PCDHGB7: variants seen among roughly 807,000 people sequenced by gnomAD.
PCDHGB7 encodes protocadherin gamma-B7.
Under a neutral mutation model 61.4 loss-of-function variants are expected in PCDHGB7, and 37 were observed. The observed-to-expected ratio is 0.60, with a 90% CI of 0.46 to 0.79. The LOEUF (loss-of-function observed/expected upper bound fraction) is 0.79. PCDHGB7 is among the 30% of genes least tolerant of loss of function. The probability of loss-of-function intolerance (pLI) is 0.00; values close to 1 mark genes in which losing one functional copy is unlikely to be tolerated. For missense variants in PCDHGB7, 1,166 were observed against 1,202.5 expected, an observed-to-expected ratio of 0.97 and a Z score of 0.45; for synonymous variants, 464 against 503.5, an observed-to-expected ratio of 0.92 and a Z score of 1.05.
intron 1 of PCDHGB7, chr5:141,441,038 G>T (rs1263659082): frequency 1.3e-5 from 2 of 152,156 alleles, no homozygotes; most frequent in Non-Finnish European, 2.9e-5. Flanking sequence ...AAAACTTTAA[G>T]TACATTGGAC....
At chr5:141,434,337 C>T (rs939910421) in intron 1 of PCDHGB7, among the ~76,000 whole-genome samples, 13 of 152,230 alleles carry the variant, frequency 8.5e-5, no homozygotes, top group African/African-American at 2.4e-4. Context: ...CTCTTTGTGT[C>T]GGGAACAGGC....
At chr5:141,447,636 T>C (rs772671166) in intron 1 of PCDHGB7, among the ~76,000 whole-genome samples, 49 of 152,136 alleles carry the variant, frequency 3.2e-4, no homozygotes, top group Non-Finnish European at 5.3e-4. Context: ...ACAGTATGAA[T>C]GATGGTAGAA....
At chr5:141,502,191 A>G (rs2099813218) in intron 2 of PCDHGB7, among the ~76,000 whole-genome samples, 1 of 152,170 alleles carries the variant, frequency 6.6e-6, no homozygotes, top group Non-Finnish European at 1.5e-5. Flanking sequence ...TAATACAATA[A>G]TATAGAATCC....
intron 1 of PCDHGB7, among the ~76,000 whole-genome samples, chr5:141,445,544 T>C (rs1223868698): frequency 6.6e-6 from 1 of 152,126 alleles, no homozygotes; most frequent in Non-Finnish European, 1.5e-5. Context: ...CAAGGAGAAA[T>C]ACAAAAGCAC....
At position 141,432,881 on chromosome 5, in the gene PCDHGB7, G is replaced by A; in HGVS notation, c.2415+12607G>A. On this transcript the variant is annotated intron_variant, in intron 1 of 3. Coordinates refer to ENST00000398594, the MANE Select transcript of PCDHGB7 (RefSeq NM_018927.4). This position sits in a 1 kb window ranked among gnomAD's most constrained non-coding sequence, Gnocchi z 6.0. ...GGTCTCCTGCGTCTTCCTGGCCTTC[G>A]TCATCTTGCTGCTGGCGCTCAGGCT... 6.2e-7 allele frequency: 1 copy of A among 1,614,170 alleles called. No homozygotes were observed. The highest frequency in any genetic ancestry group is 1.1e-5 in the South Asian group (1 of 91,088).
At chr5:141,435,728 A>T (rs549219746) in intron 1 of PCDHGB7, among the ~76,000 whole-genome samples, 1 of 152,200 alleles carries the variant, frequency 6.6e-6, no homozygotes, top group Non-Finnish European at 1.5e-5. Flanking sequence ...GCTAAAGTGT[A>T]TTACTCTTTG....
Position 141,476,376 on chromosome 5 carries a change from T to C in PCDHGB7, c.2416-18431T>C. ...GTGAACCGGGAGACCGGAGAGATGT[T>C]TGTGAACGACCGTCTGGATCGAGAG... On this transcript the variant is annotated intron_variant, in intron 1 of 3. Coordinates refer to ENST00000398594, the MANE Select transcript of PCDHGB7 (RefSeq NM_018927.4). The surrounding 1 kb of genome is among the most constrained non-coding windows in gnomAD (Gnocchi z 7.6). The C allele has an allele frequency of 6.2e-7, 1 of 1,614,060 alleles. No homozygotes were observed. Among genetic ancestry groups the C allele is most frequent in the Non-Finnish European group, 8.5e-7 (1 of 1,180,004 alleles).
rs1329649336 is a variant in PCDHGB7, at chr5:141,477,589, GCTTT to G, written c.2416-17207_2416-17204del. 2 of 1,614,130 alleles carry G rather than the reference GCTTT, an allele frequency of 1.2e-6. No homozygotes were observed. Among genetic ancestry groups the G allele is most frequent in the South Asian group, 1.1e-5 (1 of 91,086 alleles). ...ACCCCGACGCCCCGCAGAATGCTCGGCTTTCTTTCTTTCTCTTGGAGCAAGGAGC... is the reference window on the plus strand; with the variant it reads ...ACCCCGACGCCCCGCAGAATGCTCGGCTTTCTTTCTCTTGGAGCAAGGAGC... On this transcript the variant is annotated intron_variant, in intron 1 of 3. Coordinates refer to ENST00000398594, the MANE Select transcript of PCDHGB7 (RefSeq NM_018927.4). The surrounding 1 kb of genome is among the most constrained non-coding windows in gnomAD (Gnocchi z 4.9).
At chr5:141,445,732 A>G (rs2098475548) in intron 1 of PCDHGB7, among the ~76,000 whole-genome samples, 1 of 152,230 alleles carries the variant, frequency 6.6e-6, no homozygotes, top group African/African-American at 2.4e-5. Context: ...ATGTGTAAAG[A>G]TCTTTTTAAA....
chr5:141,454,894 G>A (rs1371368633), intron 1 of PCDHGB7, among the ~76,000 whole-genome samples: 2 of 126,736 alleles, frequency 1.6e-5, no homozygotes, highest in Non-Finnish European at 3.1e-5. Context: ...TGCTAGCACC[G>A]CCTCCCGGGT....
chr5:141,486,091 G>A lies in PCDHGB7; in HGVS notation c.2416-8716G>A, dbSNP rs2099624256. On this transcript the variant is annotated intron_variant, in intron 1 of 3. Coordinates refer to ENST00000398594, the MANE Select transcript of PCDHGB7 (RefSeq NM_018927.4). This position sits in a 1 kb window ranked among gnomAD's most constrained non-coding sequence, Gnocchi z 5.0. ...CTACTGGAAAGCTTACTCTTTTGGGGCCCCTAGACTTTGAGAGTGAGAATT... is the reference window on the plus strand; with the variant it reads ...CTACTGGAAAGCTTACTCTTTTGGGACCCCTAGACTTTGAGAGTGAGAATT... 2 of 1,614,158 alleles carry A rather than the reference G, an allele frequency of 1.2e-6. No homozygotes were observed. Among genetic ancestry groups the A allele is most frequent in the Non-Finnish European group, 1.7e-6 (2 of 1,180,024 alleles).
intron 1 of PCDHGB7, chr5:141,478,282 G>A: frequency 6.2e-7 from 1 of 1,614,184 alleles, no homozygotes; most frequent in Non-Finnish European, 8.5e-7. Flanking sequence ...AGTGGAAGCA[G>A]TCTAGAGACC....
rs1173771781 is a variant in PCDHGB7 at position 141,486,312 on chromosome 5, G to A, written c.2416-8495G>A. Reference sequence around the variant, plus strand: ...ATCAGTGTGCAGGATCCAGACTCAGGGTCAAACGGAGATGTGAGCCTCCGC... The same window carrying A: ...ATCAGTGTGCAGGATCCAGACTCAGAGTCAAACGGAGATGTGAGCCTCCGC... On this transcript the variant is annotated intron_variant, in intron 1 of 3. Coordinates refer to ENST00000398594, the MANE Select transcript of PCDHGB7 (RefSeq NM_018927.4). The surrounding 1 kb of genome is among the most constrained non-coding windows in gnomAD (Gnocchi z 5.0). The A allele has an allele frequency of 1.2e-6, 2 of 1,613,864 alleles. No individual in the cohort carries two copies. Among genetic ancestry groups the A allele is most frequent in the African/African-American group, 1.3e-5 (1 of 74,842 alleles).
At chr5:141,460,067 G>T (rs1168161575) in intron 1 of PCDHGB7, among the ~76,000 whole-genome samples, 1 of 151,996 alleles carries the variant, frequency 6.6e-6, no homozygotes, top group Non-Finnish European at 1.5e-5. Flanking sequence ...AACAGAGTGA[G>T]ACTTCATCTA....
Position 141,458,657 on chromosome 5 carries a change from C to T in PCDHGB7, c.2416-36150C>T, listed in dbSNP as rs1214452360. On this transcript the variant is annotated intron_variant, in intron 1 of 3. Coordinates refer to ENST00000398594, the MANE Select transcript of PCDHGB7 (RefSeq NM_018927.4). ...CAATCCCAGCTCACTGCAACCTCCA[C>T]CTCTCGGGTTCAAGCAATTCTACTG... Among the ~76,000 whole-genome samples, 6 of 152,276 alleles carry T rather than the reference C, an allele frequency of 3.9e-5. No homozygotes were observed. In the East Asian group the frequency reaches 9.6e-4, roughly 24 times the overall value.
chr5:141,422,140 C>A, intron 1 of PCDHGB7: 1 of 1,586,776 alleles, frequency 6.3e-7, no homozygotes, highest in Non-Finnish European at 8.5e-7. Flanking sequence ...AGTTCAAGTA[C>A]GGGGGTCTCT....
chr5:141,479,928 C>T (rs1309777916), intron 1 of PCDHGB7, among the ~76,000 whole-genome samples: 1 of 152,222 alleles, frequency 6.6e-6, no homozygotes, highest in African/African-American at 2.4e-5. Flanking sequence ...CTCAGTGCAT[C>T]ATTGCTATCA....
rs771106873 is a variant in PCDHGB7, at chr5:141,426,860, A to C, written c.2415+6586A>C. 5 of 456,702 alleles carry C rather than the reference A, an allele frequency of 1.1e-5. No individual in the cohort carries two copies. In the Admixed American group the frequency reaches 1.2e-4, roughly 11 times the overall value. The allele number at this position is 456,702 out of a possible 1,614,324, so 28.3% of individuals were successfully genotyped here. A position where few individuals can be genotyped will look rare whatever the true frequency, so the allele number is the denominator to read the frequency against. On this transcript the variant is annotated intron_variant, in intron 1 of 3. Transcript: ENST00000398594. ...CTAAAGGCAAGAACGCTCCAGAATT[A>C]GTGCTGGAGAAGCCCCTGGGCCAGG...
intron 1 of PCDHGB7, chr5:141,421,734 G>T: frequency 6.2e-7 from 1 of 1,613,948 alleles, no homozygotes; most frequent in Non-Finnish European, 8.5e-7. Flanking sequence ...ACTCCCTCCA[G>T]AGCTACCAGC....
Sources: gnomAD v4.1 joint callset for allele counts (sites outside exome capture counted in the v4.1 genomes callset) on GRCh38, gnomAD v4.1.1 for gene constraint, Gnocchi (gnomAD v3.1) non-coding constraint, MANE v1.5 for transcripts, NCBI Gene and HGNC (gene_info 2026-07-23, HGNC 2026-07-21) for gene names.